ANXA8: variants seen among roughly 807,000 people sequenced by gnomAD.
The protein encoded by ANXA8 is VAC-beta.
In ANXA8, 9 loss-of-function variants were observed where a neutral mutation model predicts 26.8. The observed-to-expected ratio is 0.34, with a 90% CI of 0.20 to 0.59. The LOEUF (loss-of-function observed/expected upper bound fraction) is 0.59, where lower values mean the gene tolerates loss of function less well. Among genes scored for constraint, ANXA8 ranks in the 20% least tolerant of loss-of-function variants. The pLI is 0.84. For missense variants in ANXA8, 83 were observed against 238.5 expected (o/e 0.35, Z 4.29); for synonymous variants, 39 against 94.8 (o/e 0.41, Z 3.42).
At chr10:47,683,646 A>G in the ANXA8 span, among the ~76,000 whole-genome samples, 6 of 151,834 alleles carry the variant, frequency 4.0e-5, 1 homozygote, top group African/African-American at 1.5e-4. Flanking sequence ...CCAGCAAAGG[A>G]TAGTATAATG....
At chr10:47,657,648 G>C in the ANXA8 span, among the ~76,000 whole-genome samples, 1 of 150,296 alleles carries the variant, frequency 6.7e-6, no homozygotes, top group African/African-American at 2.5e-5. Context: ...ATTTTTTTCT[G>C]TTTAAGGAAA....
chr10:47,699,838 A>T, the ANXA8 span, among the ~76,000 whole-genome samples: 14 of 151,852 alleles, frequency 9.2e-5, no homozygotes, highest in South Asian at 4.2e-4. Context: ...TCTCAAAAAA[A>T]AATAATAATA....
the ANXA8 span, among the ~76,000 whole-genome samples, chr10:47,497,774 C>T: frequency 1.3e-5 from 2 of 150,390 alleles, no homozygotes; most frequent in Non-Finnish European, 3.0e-5. Context: ...CCCGTCTCTA[C>T]TAAACATACA....
the ANXA8 span, among the ~76,000 whole-genome samples, chr10:47,584,869 C>T: frequency 7.2e-6 from 1 of 138,604 alleles, no homozygotes; most frequent in Non-Finnish European, 1.5e-5. Flanking sequence ...GGGTGGATCA[C>T]CTGAGGTCAG....
the ANXA8 span, among the ~76,000 whole-genome samples, chr10:47,709,729 G>A: frequency 9.1e-6 from 1 of 109,976 alleles, no homozygotes; most frequent in East Asian, 2.5e-4. Flanking sequence ...TGGTGAGGAC[G>A]GAGGCCTCGT....
At chr10:47,535,699 TA>T in the ANXA8 span, among the ~76,000 whole-genome samples, 1 of 93,286 alleles carries the variant, frequency 1.1e-5, no homozygotes, top group Non-Finnish European at 2.0e-5. Context: ...TCTAGAATAT[TA>T]AAAAATATGT....
the ANXA8 span, among the ~76,000 whole-genome samples, chr10:47,945,177 C>A: frequency 6.7e-6 from 1 of 149,948 alleles, no homozygotes; most frequent in East Asian, 2.1e-4. Context: ...CTCACTTGTG[C>A]TTCCACTGCC....
At chr10:47,746,990 T>C in the ANXA8 span, among the ~76,000 whole-genome samples, 1 of 129,036 alleles carries the variant, frequency 7.7e-6, no homozygotes, top group Non-Finnish European at 1.6e-5. Flanking sequence ...CAAGAACAAC[T>C]GGAAAGGCTG....
the ANXA8 span, among the ~76,000 whole-genome samples, chr10:47,703,921 T>A: frequency 6.9e-6 from 1 of 144,772 alleles, no homozygotes; most frequent in African/African-American, 2.4e-5. Flanking sequence ...TTCATTCCAA[T>A]CATAAAACAC....
At chr10:47,502,950 G>T in the ANXA8 span, 114 of 1,595,052 alleles carry the variant, frequency 7.1e-5, 3 homozygotes, top group Non-Finnish European at 8.6e-5. Flanking sequence ...CATGAGGAGA[G>T]GGGGGCGGGT....
the ANXA8 span, among the ~76,000 whole-genome samples, chr10:47,626,126 T>A: frequency 6.7e-6 from 1 of 150,332 alleles, no homozygotes; most frequent in Admixed American, 6.6e-5. Flanking sequence ...TATATGTTAT[T>A]TGAATAAATT....
the ANXA8 span, among the ~76,000 whole-genome samples, chr10:47,711,793 T>G: frequency 1.5e-5 from 1 of 67,956 alleles, no homozygotes; most frequent in African/African-American, 7.5e-5. Flanking sequence ...TTTTGGTTAA[T>G]AGAAGAGAAA....
chr10:47,724,324 C>A, the ANXA8 span, among the ~76,000 whole-genome samples: 2 of 139,078 alleles, frequency 1.4e-5, no homozygotes, highest in African/African-American at 5.3e-5. Flanking sequence ...TTGCCTCCTC[C>A]CCTTTATTCT....
chr10:47,714,262 A>T, the ANXA8 span, among the ~76,000 whole-genome samples: 2 of 137,324 alleles, frequency 1.5e-5, no homozygotes, highest in Non-Finnish European at 3.1e-5. Context: ...GTAACTTGGA[A>T]TATATGCTTT....
the ANXA8 span, among the ~76,000 whole-genome samples, chr10:47,982,168 T>C: frequency 6.6e-6 from 1 of 151,070 alleles, no homozygotes; most frequent in Admixed American, 6.6e-5. Flanking sequence ...TGTGTGCCTG[T>C]AGTCCCAGCA....
At chr10:47,769,056 C>T in the ANXA8 span, among the ~76,000 whole-genome samples, 1 of 145,912 alleles carries the variant, frequency 6.9e-6, no homozygotes, top group Non-Finnish European at 1.5e-5. Flanking sequence ...ACCACAGGCC[C>T]TACCCAGAGG....
chr10:47,499,199 C>G, the ANXA8 span, among the ~76,000 whole-genome samples: 3 of 136,640 alleles, frequency 2.2e-5, no homozygotes, highest in Admixed American at 2.2e-4. Flanking sequence ...GGCAGATTAG[C>G]ATCCAAGATG....
chr10:47,560,689 T>C, the ANXA8 span, among the ~76,000 whole-genome samples: 9 of 152,054 alleles, frequency 5.9e-5, 1 homozygote, highest in African/African-American at 2.2e-4. Flanking sequence ...TGCAAGCGGA[T>C]GGTGCAGGCT....
chr10:47,684,648 C>T, the ANXA8 span, among the ~76,000 whole-genome samples: 2 of 151,734 alleles, frequency 1.3e-5, no homozygotes, highest in African/African-American at 2.4e-5. Context: ...GGCAGTGGCC[C>T]GATCTTGGCT....
Sources: gnomAD v4.1 joint callset for allele counts (sites outside exome capture counted in the v4.1 genomes callset) on GRCh38, gnomAD v4.1.1 for gene constraint, MANE v1.5 for transcripts, NCBI Gene and HGNC (gene_info 2026-07-23, HGNC 2026-07-21) for gene names.